Variants in GALNT7 observed in about 807,000 individuals in gnomAD.
The protein encoded by GALNT7 is polypeptide N-acetylgalactosaminyltransferase 7.
Under a neutral mutation model 82.1 loss-of-function variants are expected in GALNT7, and 60 were observed. The ratio of observed to expected loss-of-function variants is 0.73; its 90% CI spans 0.59 to 0.91. The LOEUF is 0.91. Ranked by LOEUF, GALNT7 falls within the 40% of genes least tolerant of loss-of-function variation. GALNT7 has a pLI of 0.00. For missense variants in GALNT7, 660 were observed against 804.2 expected (o/e 0.82, Z 2.17); for synonymous variants, 243 against 275.1 (o/e 0.88, Z 1.15).
At chr4:173,268,655 C>T (rs149669462) in intron 2 of GALNT7, among the ~76,000 whole-genome samples, 1,700 of 150,370 alleles carry the variant, frequency 0.011, 32 homozygotes, top group African/African-American at 0.039. Context: ...CTCAGCCTCC[C>T]GAGTAGCTGG....
At chr4:173,315,681 C>T (rs1737573614) in intron 9 of GALNT7, among the ~76,000 whole-genome samples, 1 of 152,148 alleles carries the variant, frequency 6.6e-6, no homozygotes, top group Admixed American at 6.5e-5. Context: ...TTTTACCTGT[C>T]CTATTACAGC....
chr4:173,184,253 G>A (rs563097923), intron 1 of GALNT7, among the ~76,000 whole-genome samples: 155 of 152,192 alleles, frequency 1.0e-3, no homozygotes, highest in Middle Eastern at 3.4e-3. Context: ...CAGGCGGCTG[G>A]GAGGTGGAGG....
chr4:173,321,752 C>G lies in GALNT7; in HGVS notation c.*35C>G, dbSNP rs373630379. The G allele has an allele frequency of 2.7e-5, 41 of 1,491,034 alleles. No homozygotes were observed. The African/African-American group carries it at 5.4e-4, about 20-fold the overall frequency. The allele number at this position is 1,491,034 out of a possible 1,614,324, so 92.4% of individuals were successfully genotyped here. On this transcript the variant is annotated 3_prime_UTR_variant, in exon 12 of 12. Coordinates refer to ENST00000265000, the MANE Select transcript of GALNT7 (RefSeq NM_017423.3). The stretch of plus-strand genomic sequence containing the variant: ...AATAAACCAATAACCTACCTACTGA[C>G]AAGTAAATTTATACAGGACTGAAAA...
intron 1 of GALNT7, 159 bp downstream of exon 1, chr4:173,169,120 C>T: frequency 2.3e-6 from 1 of 428,494 alleles, no homozygotes; most frequent in Non-Finnish European, 3.6e-6. Flanking sequence ...GGTGCCGAGC[C>T]CCGCGCACTC....
chr4:173,297,566 C>A (rs1274465080), intron 5 of GALNT7, among the ~76,000 whole-genome samples: 3 of 152,172 alleles, frequency 2.0e-5, no homozygotes, highest in Non-Finnish European at 4.4e-5. Context: ...TGATATAGTT[C>A]TTTGTCCCTG....
intron 1 of GALNT7, among the ~76,000 whole-genome samples, chr4:173,171,214 A>G (rs376422584): frequency 2.6e-4 from 40 of 152,342 alleles, no homozygotes; most frequent in African/African-American, 9.1e-4. Flanking sequence ...AATAAAGACT[A>G]ACCTAGGAGC....
chr4:173,216,028 G>A (rs575549241), intron 1 of GALNT7, among the ~76,000 whole-genome samples: 2 of 152,290 alleles, frequency 1.3e-5, no homozygotes, highest in East Asian at 3.9e-4. Flanking sequence ...GGAGGCTGAG[G>A]TGGGAGGATG....
chr4:173,260,871 T>A (rs1199742440), intron 2 of GALNT7, among the ~76,000 whole-genome samples: 1 of 152,178 alleles, frequency 6.6e-6, no homozygotes, highest in Non-Finnish European at 1.5e-5. Flanking sequence ...AAGATGATGA[T>A]TTACTCAATT....
intron 6 of GALNT7, among the ~76,000 whole-genome samples, chr4:173,301,672 C>T (rs1470155984): frequency 6.6e-6 from 1 of 152,178 alleles, no homozygotes; most frequent in Non-Finnish European, 1.5e-5. Context: ...TAAATCAATG[C>T]AGGAGCAGTT....
At chr4:173,248,491 A>AG in intron 2 of GALNT7, 51 bp downstream of exon 2, 1 of 1,086,966 alleles carries the variant, frequency 9.2e-7, no homozygotes, top group Non-Finnish European at 1.3e-6. Flanking sequence ...TTGTTTTCAT[A>AG]GGTTTTTAGG....
At chr4:173,177,828 T>C (rs544749806) in intron 1 of GALNT7, among the ~76,000 whole-genome samples, 13 of 152,262 alleles carry the variant, frequency 8.5e-5, no homozygotes, top group Middle Eastern at 3.4e-3. Context: ...CCAGAAAAAC[T>C]GGTTCAGATG....
intron 1 of GALNT7, among the ~76,000 whole-genome samples, chr4:173,214,464 C>T (rs948043190): frequency 5.3e-5 from 8 of 152,100 alleles, no homozygotes; most frequent in Non-Finnish European, 1.0e-4. Flanking sequence ...CCCGCTGGGA[C>T]AGAAAGTGTG....
At chr4:173,214,258 T>C (rs998184706) in intron 1 of GALNT7, among the ~76,000 whole-genome samples, 1 of 151,766 alleles carries the variant, frequency 6.6e-6, no homozygotes, top group Admixed American at 6.6e-5. Context: ...TTAAGTTCAG[T>C]TCAAAAGACA....
intron 2 of GALNT7, among the ~76,000 whole-genome samples, chr4:173,275,042 A>G (rs1735851736): frequency 6.6e-6 from 1 of 152,130 alleles, no homozygotes; most frequent in Non-Finnish European, 1.5e-5. Flanking sequence ...ACTCTTAACA[A>G]CTGTCAGCTG....
intron 1 of GALNT7, among the ~76,000 whole-genome samples, chr4:173,203,337 C>T (rs779875344): frequency 3.2e-4 from 48 of 152,184 alleles, no homozygotes; most frequent in African/African-American, 1.0e-3. Context: ...GTGATCCTCC[C>T]GCCTCGGCCT....
chr4:173,264,944 A>T (rs138322323), intron 2 of GALNT7, among the ~76,000 whole-genome samples: 11 of 152,308 alleles, frequency 7.2e-5, no homozygotes, highest in African/African-American at 2.6e-4. Context: ...AAATAATGAT[A>T]GATGTGGCAT....
At chr4:173,219,176 T>C (rs6858043) in intron 1 of GALNT7, among the ~76,000 whole-genome samples, 107,832 of 151,890 alleles carry the variant, frequency 0.71, 39,924 homozygotes, top group East Asian at 0.88. Context: ...ATTCTTATGC[T>C]TTTGTGTCCT....
At chr4:173,269,200 A>G (rs999897248) in intron 2 of GALNT7, among the ~76,000 whole-genome samples, 1 of 152,240 alleles carries the variant, frequency 6.6e-6, no homozygotes, top group African/African-American at 2.4e-5. Context: ...ATTTATTTCA[A>G]AAATGAAATC....
intron 2 of GALNT7, among the ~76,000 whole-genome samples, chr4:173,287,957 A>C (rs896760657): frequency 6.6e-6 from 1 of 152,134 alleles, no homozygotes; most frequent in African/African-American, 2.4e-5. Flanking sequence ...TTTAAATGCC[A>C]ATGTAGTTGG....
Sources: allele counts gnomAD v4.1 joint callset (sites outside exome capture counted in the v4.1 genomes callset), GRCh38; gene constraint gnomAD v4.1.1; transcripts MANE v1.5; gene names NCBI Gene and HGNC (gene_info 2026-07-23, HGNC 2026-07-21).